ANO2: variants seen among roughly 807,000 people sequenced by gnomAD.
The protein encoded by ANO2 is anoctamin 2, also known as anoctamin-2.
Under a neutral mutation model 124.2 loss-of-function variants are expected in ANO2, and 101 were observed. That is an observed-to-expected ratio of 0.81 (90% CI 0.69 to 0.96). ANO2 has a LOEUF of 0.96. Among genes scored for constraint, ANO2 ranks in the 40% least tolerant of loss-of-function variants. The pLI is 0.00. For missense variants in ANO2, 1,293 were observed against 1,274.5 expected (o/e 1.01, Z -0.22); for synonymous variants, 486 against 482.5 (o/e 1.01, Z -0.09).
intron 19 of ANO2, among the ~76,000 whole-genome samples, chr12:5,603,630 C>T (rs116278877): frequency 7.8e-4 from 119 of 152,232 alleles, no homozygotes; most frequent in African/African-American, 2.6e-3. Flanking sequence ...ATTCAAAATG[C>T]TTGCAGCATA....
intron 1 of ANO2, among the ~76,000 whole-genome samples, chr12:5,923,157 CACGCAT>C (rs1324795530): frequency 9.8e-6 from 1 of 102,380 alleles, no homozygotes; most frequent in Non-Finnish European, 2.1e-5. Context: ...CACATACACA[CACGCAT>C]ACACACACAC....
intron 1 of ANO2, among the ~76,000 whole-genome samples, chr12:5,935,392 T>C (rs144933857): frequency 6.6e-6 from 1 of 152,290 alleles, no homozygotes; most frequent in East Asian, 1.9e-4. Context: ...GGGACTCCCA[T>C]CATTACTGGG....
intron 2 of ANO2, among the ~76,000 whole-genome samples, chr12:5,922,139 G>A (rs902356003): frequency 3.3e-5 from 5 of 152,204 alleles, no homozygotes; most frequent in Non-Finnish European, 7.3e-5. Context: ...CAGAGGTGGG[G>A]AGGTGGAAAG....
chr12:5,674,150 G>T (rs1270415135), intron 14 of ANO2, among the ~76,000 whole-genome samples: 1 of 152,202 alleles, frequency 6.6e-6, no homozygotes, highest in African/African-American at 2.4e-5. Context: ...TTCCAAAAGT[G>T]AGGGCAAATC....
intron 3 of ANO2, among the ~76,000 whole-genome samples, chr12:5,901,078 G>A (rs7486935): frequency 0.9 from 137,450 of 152,234 alleles, 62,185 homozygotes; most frequent in African/African-American, 0.94. Context: ...GGAAATACAC[G>A]TTTCCATACC....
rs1254457306 is a variant in ANO2, at chr12:5,671,187, C to T, written c.1546-23386G>A. Reference sequence around the variant, plus strand: ...TTTCCAGTGCTGGGACCTCTTTCTACACTCATTATGAAAAATTCAAGAAAT... The same window carrying T: ...TTTCCAGTGCTGGGACCTCTTTCTATACTCATTATGAAAAATTCAAGAAAT... On this transcript the variant is annotated intron_variant, in intron 14 of 24. Transcript: ENST00000682330. Among the ~76,000 whole-genome samples the T allele has an allele frequency of 7.9e-5, 12 of 152,148 alleles. No individual in the cohort carries two copies. In the South Asian group the frequency reaches 2.3e-3, roughly 29 times the overall value.
intron 19 of ANO2, among the ~76,000 whole-genome samples, chr12:5,602,044 G>A (rs1943967181): frequency 6.6e-6 from 1 of 152,202 alleles, no homozygotes; most frequent in Non-Finnish European, 1.5e-5. Flanking sequence ...CTGTACGCAT[G>A]TTGCCTAGGT....
intron 4 of ANO2, among the ~76,000 whole-genome samples, chr12:5,842,229 C>G (rs1954535108): frequency 6.6e-6 from 1 of 152,178 alleles, no homozygotes; most frequent in Admixed American, 6.5e-5. Flanking sequence ...CCTCCCCACA[C>G]CAGTGGGGCC....
intron 14 of ANO2, among the ~76,000 whole-genome samples, chr12:5,725,297 G>C (rs1950394236): frequency 6.6e-6 from 1 of 152,164 alleles, no homozygotes; most frequent in African/African-American, 2.4e-5. Context: ...CATTATGTCA[G>C]GGGTGAGCAT....
At chr12:5,688,188 C>T (rs1488166452) in intron 14 of ANO2, among the ~76,000 whole-genome samples, 2 of 152,138 alleles carry the variant, frequency 1.3e-5, no homozygotes, top group South Asian at 2.1e-4. Flanking sequence ...TACTCCAAAT[C>T]GGGACCTGAG....
intron 16 of ANO2, among the ~76,000 whole-genome samples, chr12:5,615,762 T>C (rs1445794967): frequency 2.0e-5 from 3 of 152,170 alleles, no homozygotes; most frequent in African/African-American, 7.2e-5. Flanking sequence ...CCTCTTTCTC[T>C]CCTTCATTTT....
intron 12 of ANO2, chr12:5,740,039 C>G: frequency 2.2e-6 from 1 of 450,686 alleles, no homozygotes; most frequent in Admixed American, 2.4e-5. Flanking sequence ...CCTACACATC[C>G]ATCAGTTTGC....
At chr12:5,651,386 C>T (rs920226434) in intron 14 of ANO2, among the ~76,000 whole-genome samples, 2 of 151,974 alleles carry the variant, frequency 1.3e-5, no homozygotes, top group Non-Finnish European at 1.5e-5. Context: ...AAGTGGCAAT[C>T]ATCCTTGAGT....
chr12:5,617,562 A>G (rs1311809585), intron 16 of ANO2, among the ~76,000 whole-genome samples: 1 of 149,758 alleles, frequency 6.7e-6, no homozygotes, highest in African/African-American at 2.5e-5. Flanking sequence ...AGTGTGTCAC[A>G]CTCTCCAGAC....
chr12:5,742,577 C>T (rs1015749558), intron 12 of ANO2, among the ~76,000 whole-genome samples: 5 of 152,062 alleles, frequency 3.3e-5, no homozygotes, highest in Non-Finnish European at 5.9e-5. Context: ...AAACTTGAAA[C>T]TAGGAAGTAC....
chr12:5,873,310 C>T (rs1438849095), intron 3 of ANO2, among the ~76,000 whole-genome samples: 1 of 151,176 alleles, frequency 6.6e-6, no homozygotes, highest in African/African-American at 2.4e-5. Flanking sequence ...GAACTCTGGC[C>T]TCATGTTGCT....
At chr12:5,571,157 G>C (rs1370116392) in intron 23 of ANO2, among the ~76,000 whole-genome samples, 1 of 152,242 alleles carries the variant, frequency 6.6e-6, no homozygotes, top group Non-Finnish European at 1.5e-5. Context: ...CCGCTGGGTT[G>C]ACAATGCCCA....
intron 4 of ANO2, among the ~76,000 whole-genome samples, chr12:5,842,745 C>T (rs1188373856): frequency 1.3e-5 from 2 of 152,208 alleles, no homozygotes; most frequent in African/African-American, 2.4e-5. Context: ...CTGAGTCACA[C>T]TTGTCCACTG....
chr12:5,705,785 A>T (rs989568629), intron 14 of ANO2, among the ~76,000 whole-genome samples: 1 of 152,216 alleles, frequency 6.6e-6, no homozygotes, highest in Non-Finnish European at 1.5e-5. Context: ...TTCAGCAGAC[A>T]AGGTCTGTAT....
Sources: gnomAD v4.1 joint callset for allele counts (sites outside exome capture counted in the v4.1 genomes callset) on GRCh38, gnomAD v4.1.1 for gene constraint, MANE v1.5 for transcripts, NCBI Gene and HGNC (gene_info 2026-07-23, HGNC 2026-07-21) for gene names.